The following ARID1B variants were observed in gnomAD, a reference collection of about 807,000 sequenced individuals.
ARID1B encodes the protein AT-rich interaction domain 1B.
In ARID1B, 30 loss-of-function variants were observed where a neutral mutation model predicts 212.3. The ratio of observed to expected loss-of-function variants is 0.14; its 90% CI spans 0.11 to 0.19. The LOEUF (loss-of-function observed/expected upper bound fraction) is 0.19, where lower values mean the gene tolerates loss of function less well. Ranked by LOEUF, ARID1B falls within the 10% of genes least tolerant of loss-of-function variation. The pLI, the probability that ARID1B is intolerant of heterozygous loss-of-function variation, is 1.00. For missense variants in ARID1B, 2,891 were observed against 3,204.0 expected, an observed-to-expected ratio of 0.90 and a Z score of 2.36; for synonymous variants, 1,402 against 1,301.7, an observed-to-expected ratio of 1.08 and a Z score of -1.66.
At chr6:157,008,882 A>G (rs1171232496) in intron 4 of ARID1B, among the ~76,000 whole-genome samples, 1 of 152,156 alleles carries the variant, frequency 6.6e-6, no homozygotes, top group East Asian at 1.9e-4. Flanking sequence ...GTTTGACGCT[A>G]GCACACCCAC....
intron 7 of ARID1B, among the ~76,000 whole-genome samples, chr6:157,146,198 G>A (rs1789711088): frequency 1.3e-5 from 2 of 152,036 alleles, no homozygotes; most frequent in African/African-American, 4.8e-5. Context: ...TTCTGCCACA[G>A]TCCCCAGCCA....
At chr6:157,054,918 G>C (rs1782849679) in intron 4 of ARID1B, among the ~76,000 whole-genome samples, 1 of 152,226 alleles carries the variant, frequency 6.6e-6, no homozygotes, top group Non-Finnish European at 1.5e-5. Context: ...CTCATCCCCA[G>C]TGGTGGGTCT....
chr6:156,800,496 G>A (rs557539878), intron 1 of ARID1B, among the ~76,000 whole-genome samples: 2 of 152,252 alleles, frequency 1.3e-5, no homozygotes, highest in Admixed American at 6.5e-5. Context: ...GGTTGAATGA[G>A]GAGAACCTCT....
At position 156,778,917 on chromosome 6, in the gene ARID1B, G is replaced by A. The variant is rs2114990355; in HGVS notation, c.1237G>A (p.Gly413Arg). ...SGGGGGGGGAGAGGAGAGAVA... is the reference protein window; with the variant it reads ...SGGGGGGGGARAGGAGAGAVA... ...AGGAGGAGGAGGAGGAGGAGGAGCA[G>A]GAGCAGGAGGAGCAGGAGCGGGAGC... is the stretch of plus-strand genomic sequence containing the variant. Residue 413 changes from glycine to arginine, a missense_variant, in exon 1 of 20, where the codon GGA becomes AGA. Coordinates refer to ENST00000636930, the MANE Select transcript of ARID1B (RefSeq NM_001374828.1). 7.6e-7 allele frequency: 1 copy of A among 1,316,416 alleles called. No individual in the cohort carries two copies. Among genetic ancestry groups the A allele is most frequent in the Non-Finnish European group, 9.6e-7 (1 of 1,040,156 alleles). The allele number at this position is 1,316,416 out of a possible 1,614,324, so 81.5% of individuals were successfully genotyped here. A position where few individuals can be genotyped will look rare whatever the true frequency, so the allele number is the denominator to read the frequency against.
At chr6:157,007,252 A>G (rs1440544448) in intron 4 of ARID1B, among the ~76,000 whole-genome samples, 1 of 152,246 alleles carries the variant, frequency 6.6e-6, no homozygotes, top group Non-Finnish European at 1.5e-5. Context: ...GAAGGTAGAA[A>G]AATGCTTTTT....
In ARID1B at chr6:157,055,577, G is replaced by C. The variant is rs189126417; in HGVS notation, c.2248-29085G>C. On this transcript the variant is annotated intron_variant, in intron 4 of 19. Transcript: ENST00000636930. ...AAAGGAAAATTTGAAAATTCTTACA[G>C]ATCTCCTCTGGTGAGATTTGAAAGG... Among the ~76,000 whole-genome samples the C allele has an allele frequency of 5.1e-4, 78 of 152,278 alleles. 1 individual carries two copies. Among genetic ancestry groups the C allele is most frequent in the African/African-American group, 1.9e-3 (77 of 41,554 alleles).
rs1794415302 is a variant in ARID1B at position 157,206,017 on chromosome 6, A to G, written c.5395-150A>G. Reference sequence around the variant, plus strand: ...GTTCGCTGGACCTGAAGGGTAGTTTATCTTTCATGGTCCAGCCAAAAAGGG... The same window carrying G: ...GTTCGCTGGACCTGAAGGGTAGTTTGTCTTTCATGGTCCAGCCAAAAAGGG... On this transcript the variant is annotated intron_variant, in intron 19 of 19. Transcript: ENST00000636930. The surrounding 1 kb of genome is among the most constrained non-coding windows in gnomAD (Gnocchi z 6.8). 1 of 862,402 alleles carries G rather than the reference A, an allele frequency of 1.2e-6. No homozygotes were observed. Among genetic ancestry groups the G allele is most frequent in the East Asian group, 2.4e-5 (1 of 41,194 alleles). The allele number at this position is 862,402 out of a possible 1,614,324, so 53.4% of individuals were successfully genotyped here. A position where few individuals can be genotyped will look rare whatever the true frequency, so the allele number is the denominator to read the frequency against.
chr6:156,962,375 T>A (rs1291681271), intron 4 of ARID1B, among the ~76,000 whole-genome samples: 1 of 152,262 alleles, frequency 6.6e-6, no homozygotes, highest in Non-Finnish European at 1.5e-5. Flanking sequence ...AAACAGTTAT[T>A]TCTAAAAAGC....
At position 157,133,161 on chromosome 6, in the gene ARID1B, C is replaced by T. The variant is rs2128585777; in HGVS notation, c.2715C>T (p.Asn905=). 1.2e-6 allele frequency: 2 copies of T among 1,613,984 alleles called. No individual in the cohort carries two copies. Among genetic ancestry groups the T allele is most frequent in the Admixed American group, 1.7e-5 (1 of 59,988 alleles). The change falls in exon 7 of 20, where the codon AAC becomes AAT. Residue 905 remains asparagine (N), a synonymous_variant. Coordinates refer to ENST00000636930, the MANE Select transcript of ARID1B (RefSeq NM_001374828.1). The part of the protein sequence containing the change: ...HAGISSFQQS[N]SSGTYGPQMS... Reference sequence around the variant, plus strand: ...GAATCAGTAGCTTTCAGCAGAGTAACTCAAGTGGGACTTACGGTCCACAGA... The same window carrying T: ...GAATCAGTAGCTTTCAGCAGAGTAATTCAAGTGGGACTTACGGTCCACAGA...
intron 2 of ARID1B, among the ~76,000 whole-genome samples, chr6:156,835,456 C>G (rs574818545): frequency 6.6e-6 from 1 of 152,070 alleles, no homozygotes; most frequent in South Asian, 2.1e-4. Flanking sequence ...TCAGATTTTA[C>G]CTGAAAGTTT....
At chr6:157,060,630 CTTTTTTTTTTTTTTTTTTTT>C (rs56870548) in intron 4 of ARID1B, among the ~76,000 whole-genome samples, 4 of 72,044 alleles carry the variant, frequency 5.6e-5, no homozygotes, top group African/African-American at 2.5e-4. Flanking sequence ...AAAATCTGAA[CTTTTTTTTTTTTTTTTTTTT>C]TTTTTTACTA....
chr6:157,043,597 T>C (rs1169677096), intron 4 of ARID1B, among the ~76,000 whole-genome samples: 1 of 152,124 alleles, frequency 6.6e-6, no homozygotes, highest in Non-Finnish European at 1.5e-5. Context: ...TAAGTACTGA[T>C]GATTAAGAGT....
rs117059943 is a variant in ARID1B at position 157,094,944 on chromosome 6, G to A, written c.2491+10039G>A. Reference sequence around the variant, plus strand: ...AGGAACACGTTTTTGAAGGGGAATCGAGAGTTTGGTTTTAAACATACTGTA... The same window carrying A: ...AGGAACACGTTTTTGAAGGGGAATCAAGAGTTTGGTTTTAAACATACTGTA... On this transcript the variant is annotated intron_variant, in intron 5 of 19. Transcript: ENST00000636930. This position sits in a 1 kb window ranked among gnomAD's most constrained non-coding sequence, Gnocchi z 4.3. 3.2e-3 allele frequency among the ~76,000 whole-genome samples: 487 copies of A among 152,266 alleles called. 4 individuals are homozygous for A. The highest frequency in any genetic ancestry group is 0.014 in the Middle Eastern group (4 of 294).
chr6:157,141,291 C>T (rs1449271496), intron 7 of ARID1B: 1 of 152,154 alleles, frequency 6.6e-6, no homozygotes, highest in Non-Finnish European at 1.5e-5. Flanking sequence ...AAAAAAACTA[C>T]CAAAAGTGAA....
At chr6:156,898,828 G>T (rs193019937) in intron 2 of ARID1B, among the ~76,000 whole-genome samples, 1 of 152,038 alleles carries the variant, frequency 6.6e-6, no homozygotes, top group Non-Finnish European at 1.5e-5. Context: ...AAAATTAGCC[G>T]GGTGTGGTGG....
intron 3 of ARID1B, among the ~76,000 whole-genome samples, chr6:156,934,111 C>T (rs999999176): frequency 6.6e-6 from 1 of 152,202 alleles, no homozygotes; most frequent in African/African-American, 2.4e-5. Flanking sequence ...TTAATACCAA[C>T]ACATATTTGA....
At chr6:156,935,397 T>C in intron 3 of ARID1B, 69 bp from the exon 4 acceptor site, 2 of 1,335,952 alleles carry the variant, frequency 1.5e-6, no homozygotes, top group Non-Finnish European at 2.1e-6. Flanking sequence ...TGTTTAATTT[T>C]AGTTACTGAA....
At chr6:157,002,358 T>C (rs1778960932) in intron 4 of ARID1B, among the ~76,000 whole-genome samples, 2 of 152,382 alleles carry the variant, frequency 1.3e-5, no homozygotes, top group East Asian at 3.9e-4. Context: ...TGTTTTAGTT[T>C]GGAGGCTTCT....
chr6:156,939,595 A>T (rs1401953901), intron 4 of ARID1B: 1 of 151,942 alleles, frequency 6.6e-6, no homozygotes, highest in Non-Finnish European at 1.5e-5. Flanking sequence ...TTGCTAAGGG[A>T]TCTGTTAGGT....
Sources: gnomAD v4.1 joint callset for allele counts (sites outside exome capture counted in the v4.1 genomes callset) on GRCh38, gnomAD v4.1.1 for gene constraint, Gnocchi (gnomAD v3.1) non-coding constraint, MANE v1.5 for transcripts, NCBI Gene and HGNC (gene_info 2026-07-23, HGNC 2026-07-21) for gene names.